The following SYNE2 variants were observed in gnomAD, a reference collection of about 807,000 sequenced individuals.
The protein encoded by SYNE2 is spectrin repeat containing nuclear envelope protein 2, also known as nesprin-2.
A neutral mutation model predicts 856.3 loss-of-function variants in SYNE2; 431 were observed. The ratio of observed to expected loss-of-function variants is 0.50; its 90% confidence interval spans 0.47 to 0.55. The LOEUF (loss-of-function observed/expected upper bound fraction) is 0.55. SYNE2 is among the 20% of genes least tolerant of loss of function. The pLI is 0.00. For missense variants in SYNE2, 8,129 were observed against 8,023.2 expected (o/e 1.01, Z -0.50); for synonymous variants, 2,923 against 2,872.3 (o/e 1.02, Z -0.56).
intron 1 of SYNE2, among the ~76,000 whole-genome samples, chr14:63,793,675 G>A (rs973889433): frequency 1.3e-5 from 2 of 152,136 alleles, no homozygotes; most frequent in Non-Finnish European, 2.9e-5. Context: ...GTTGGCTCAT[G>A]CCTATAATCC....
At chr14:63,875,810 G>A (rs544164708) in intron 1 of SYNE2, among the ~76,000 whole-genome samples, 1 of 152,236 alleles carries the variant, frequency 6.6e-6, no homozygotes, top group African/African-American at 2.4e-5. Context: ...TACATTTGAG[G>A]GACAACAGTG....
chr14:64,163,758 A>G (rs1312607730), intron 89 of SYNE2, among the ~76,000 whole-genome samples, 177 bp downstream of exon 89: 1 of 152,204 alleles, frequency 6.6e-6, no homozygotes, highest in Non-Finnish European at 1.5e-5. Flanking sequence ...ATCTTAAGCA[A>G]TCATTTCTTC....
chr14:64,092,398 T>A (rs780870985), intron 60 of SYNE2, among the ~76,000 whole-genome samples: 7 of 152,208 alleles, frequency 4.6e-5, no homozygotes, highest in Admixed American at 1.3e-4. Flanking sequence ...TTCCTTTGAT[T>A]TCTACTTTAG....
At chr14:64,100,587 T>C (rs998302191) in intron 63 of SYNE2, among the ~76,000 whole-genome samples, 8 of 138,836 alleles carry the variant, frequency 5.8e-5, no homozygotes, top group Non-Finnish European at 1.2e-4. Context: ...ACATGTATGA[T>C]GTTTTGATAC....
chr14:64,216,351 T>A lies in SYNE2; in HGVS notation c.19506T>A (p.Val6502=), dbSNP rs1209050248. 1 of 1,614,194 alleles carries A rather than the reference T, an allele frequency of 6.2e-7. No homozygotes were observed. The highest frequency in any genetic ancestry group is 1.1e-5 in the South Asian group (1 of 91,078). Residue 6502 remains valine, a synonymous_variant, in exon 108 of 116, where the codon GTT becomes GTA. Coordinates refer to ENST00000555002, the MANE Select transcript of SYNE2 (RefSeq NM_182914.3). ...AAGGTGACAGGAATGTTCCACCTGT[T>A]CCCCCTGCGTCCAGCACCCCTTATA... ...QMEGDRNVPP[V]PPASSTPYKP... is the part of the protein sequence containing the mutation.
At chr14:63,911,805 T>G (rs1353308332) in intron 2 of SYNE2, among the ~76,000 whole-genome samples, 1 of 152,190 alleles carries the variant, frequency 6.6e-6, no homozygotes, top group African/African-American at 2.4e-5. Context: ...TAAGTAATAT[T>G]AGTGATCTCA....
rs75313797 is a variant in SYNE2, at chr14:64,027,443, C to T, written c.6405-41C>T. ...ATATGCAAAATGCTAGTCCATTTTGCTAAATATCATTTAATTTATAAAATA... is the reference window on the plus strand; with the variant it reads ...ATATGCAAAATGCTAGTCCATTTTGTTAAATATCATTTAATTTATAAAATA... On this transcript the variant is annotated intron_variant, in intron 42 of 115. Transcript: ENST00000555002. 5.4e-3 allele frequency: 7,424 copies of T among 1,370,490 alleles called. 306 individuals carry two copies. In the African/African-American group the frequency reaches 0.094, roughly 17 times the overall value. 84.9% of individuals were successfully genotyped at this position (1,370,490 alleles called of 1,614,324 possible). A position where few individuals can be genotyped will look rare whatever the true frequency, so the allele number is the denominator to read the frequency against.
chr14:64,127,106 C>T (rs997932915), intron 73 of SYNE2, among the ~76,000 whole-genome samples: 1 of 152,028 alleles, frequency 6.6e-6, no homozygotes, highest in Non-Finnish European at 1.5e-5. Context: ...ACTAAAAATA[C>T]AAAAATTAGC....
intron 45 of SYNE2, among the ~76,000 whole-genome samples, chr14:64,039,892 A>G (rs1297552422): frequency 2.0e-5 from 3 of 152,316 alleles, no homozygotes; most frequent in South Asian, 4.1e-4. Context: ...AAAAGCTTGT[A>G]CCTTTGGGGA....
chr14:64,021,530 C>T lies in SYNE2; in HGVS notation c.5352+15C>T. On this transcript the variant is annotated intron_variant, in intron 36 of 115. Transcript: ENST00000555002. ...CTAAACTAGAGGTGCTACCGAGCTG[C>T]TTGTCTTCTGTGGTTCAGATTTATT... 1 of 1,613,470 alleles carries T rather than the reference C, an allele frequency of 6.2e-7. No homozygotes were observed. The highest frequency in any genetic ancestry group is 2.2e-5 in the East Asian group (1 of 44,868).
At chr14:64,089,369 GAAAAAAAAA>G (rs57358817) in intron 58 of SYNE2, among the ~76,000 whole-genome samples, 196 bp from the exon 59 acceptor site, 8 of 50,476 alleles carry the variant, frequency 1.6e-4, no homozygotes, top group East Asian at 6.8e-4. Context: ...TCCGTCTCAG[GAAAAAAAAA>G]AAAAAAAAAA....
At chr14:64,145,432 C>T (rs147674981) in intron 83 of SYNE2, among the ~76,000 whole-genome samples, 49 of 148,746 alleles carry the variant, frequency 3.3e-4, no homozygotes, top group African/African-American at 1.1e-3. Context: ...TGCTTGAACC[C>T]GGGAGGTGGA....
chr14:63,822,812 A>C (rs1167506008), intron 1 of SYNE2, among the ~76,000 whole-genome samples: 1 of 152,192 alleles, frequency 6.6e-6, no homozygotes, highest in Non-Finnish European at 1.5e-5. Context: ...TATATTTAAA[A>C]AGAAGAAAGG....
At chr14:64,135,079 C>T (rs1044485149) in intron 78 of SYNE2, among the ~76,000 whole-genome samples, 9 of 151,910 alleles carry the variant, frequency 5.9e-5, no homozygotes, top group Admixed American at 2.6e-4. Context: ...AATTTTGGTG[C>T]GAAAGAAAAG....
intron 103 of SYNE2, among the ~76,000 whole-genome samples, chr14:64,211,105 C>T (rs957418849): frequency 3.3e-5 from 5 of 152,150 alleles, no homozygotes; most frequent in African/African-American, 1.2e-4. Context: ...CCTCAGCCTC[C>T]TGAGTAACTA....
At position 64,140,217 on chromosome 14, in the gene SYNE2, C is replaced by T. The variant is rs1438443640; in HGVS notation, c.14976+144C>T. 3 of 760,718 alleles carry T rather than the reference C, an allele frequency of 3.9e-6. No individual in the cohort carries two copies. The East Asian group carries it at 7.9e-5, about 20-fold the overall frequency. The allele number at this position is 760,718 out of a possible 1,614,324, so 47.1% of individuals were successfully genotyped here. On this transcript the variant is annotated intron_variant, in intron 80 of 115. Transcript: ENST00000555002. ...GCGAATGGCAGCTGTGTTCTTCAAA[C>T]CTAGAACTGTTTATACTGTTCATTC...
chr14:63,787,283 A>G (rs1887568529), intron 1 of SYNE2, among the ~76,000 whole-genome samples: 1 of 152,072 alleles, frequency 6.6e-6, no homozygotes, highest in African/African-American at 2.4e-5. Context: ...TCTAGATCTT[A>G]TTCCTTCTAC....
chr14:63,844,894 G>T (rs2139939781), intron 1 of SYNE2, among the ~76,000 whole-genome samples: 1 of 152,116 alleles, frequency 6.6e-6, no homozygotes, highest in South Asian at 2.1e-4. Flanking sequence ...TAAATAAAAA[G>T]AAAAAGAAAT....
At chr14:64,007,767 T>C (rs2096809020) in intron 31 of SYNE2, among the ~76,000 whole-genome samples, 1 of 152,080 alleles carries the variant, frequency 6.6e-6, no homozygotes. Context: ...TCCCAGCACT[T>C]TGGGAGGCTG....
Sources: gnomAD v4.1 joint callset for allele counts (sites outside exome capture counted in the v4.1 genomes callset) on GRCh38, gnomAD v4.1.1 for gene constraint, MANE v1.5 for transcripts, NCBI Gene and HGNC (gene_info 2026-07-23, HGNC 2026-07-21) for gene names.